ADCK1: variants seen among roughly 807,000 people sequenced by gnomAD.
ADCK1 encodes the protein aarF domain containing kinase 1.
A neutral mutation model predicts 52.3 loss-of-function variants in ADCK1; 41 were observed. The observed-to-expected ratio is 0.78, with a 90% CI of 0.61 to 1.02. The LOEUF is 1.02. Among genes scored for constraint, ADCK1 ranks in the 50% least tolerant of loss-of-function variants. The pLI, the probability that ADCK1 is intolerant of heterozygous loss-of-function variation, is 0.00. For synonymous variants in ADCK1, 250 were observed against 274.6 expected, an observed-to-expected ratio of 0.91 and a Z score of 0.89; for missense variants, 658 against 679.5, an observed-to-expected ratio of 0.97 and a Z score of 0.35.
intron 1 of ADCK1, among the ~76,000 whole-genome samples, chr14:77,816,965 G>A (rs528797301): frequency 4.7e-5 from 7 of 150,004 alleles, no homozygotes; most frequent in Non-Finnish European, 1.0e-4. Flanking sequence ...AAATGAGTAG[G>A]GCGTGGTGGC....
chr14:77,891,069 G>T lies in ADCK1; in HGVS notation c.582+3820G>T, dbSNP rs1054946486. Among the ~76,000 whole-genome samples, 17 of 152,184 alleles carry T rather than the reference G, an allele frequency of 1.1e-4. 1 individual carries two copies. Among genetic ancestry groups the T allele is most frequent in the Admixed American group, 6.5e-5 (1 of 15,272 alleles). ...GATGAGTGTGTGGGGCAGAGGAGAG[G>T]GGGAGGGAAAGTGGGCAGCAGAGTG... On this transcript the variant is annotated intron_variant, in intron 5 of 10. Transcript: ENST00000238561.
chr14:77,919,970 G>C (rs1272111315), intron 7 of ADCK1, among the ~76,000 whole-genome samples: 3 of 152,174 alleles, frequency 2.0e-5, no homozygotes, highest in Non-Finnish European at 4.4e-5. Flanking sequence ...GTTCCTTGTA[G>C]ATTCTGGATA....
intron 4 of ADCK1, among the ~76,000 whole-genome samples, chr14:77,867,550 A>C (rs1255515285): frequency 2.0e-5 from 3 of 152,210 alleles, no homozygotes. Context: ...ATAAAATTGC[A>C]ATTTAACTAG....
chr14:77,927,141 T>G (rs780091243), intron 9 of ADCK1, among the ~76,000 whole-genome samples: 2 of 152,208 alleles, frequency 1.3e-5, no homozygotes, highest in Non-Finnish European at 2.9e-5. Flanking sequence ...CCCTGTAAGC[T>G]GCTTTGTGAT....
chr14:77,900,948 C>T (rs973927649), intron 6 of ADCK1, among the ~76,000 whole-genome samples: 5 of 152,006 alleles, frequency 3.3e-5, no homozygotes, highest in Non-Finnish European at 7.4e-5. Context: ...ATGAGAAGTA[C>T]GGCTTCTACA....
chr14:77,914,353 G>C (rs1431035770), intron 7 of ADCK1: 1 of 962,530 alleles, frequency 1.0e-6, no homozygotes, highest in African/African-American at 1.8e-5. Flanking sequence ...AGAGTCCGTG[G>C]CCTGGGTTCC....
intron 3 of ADCK1, among the ~76,000 whole-genome samples, chr14:77,850,144 C>T (rs1348047510): frequency 6.6e-6 from 1 of 152,214 alleles, no homozygotes; most frequent in Non-Finnish European, 1.5e-5. Context: ...GAGTTCAAGG[C>T]TGCAGTAAAC....
chr14:77,925,835 A>G lies in ADCK1; in HGVS notation c.1080A>G (p.Arg360=), dbSNP rs1188999323. ...WQSLIWTDMK[R]VKEYSQRLGA... ...CTCTGATCTGGACTGACATGAAGAG[A>G]GTGAAGGAGTACAGCCAGCGACTGG... The change falls in exon 9 of 11, where the codon AGA becomes AGG. Residue 360 remains arginine, a synonymous_variant. Transcript: ENST00000238561. 2.5e-6 allele frequency: 4 copies of G among 1,614,156 alleles called. No homozygotes were observed. The East Asian group carries it at 8.9e-5, about 36-fold the overall frequency.
intron 9 of ADCK1, among the ~76,000 whole-genome samples, chr14:77,930,376 C>G (rs1254800161): frequency 6.6e-6 from 1 of 152,174 alleles, no homozygotes; most frequent in African/African-American, 2.4e-5. Context: ...CACCCCGGGT[C>G]TCCTCATTAT....
At chr14:77,817,217 G>A (rs2081474978) in intron 1 of ADCK1, among the ~76,000 whole-genome samples, 1 of 152,188 alleles carries the variant, frequency 6.6e-6, no homozygotes, top group Admixed American at 6.5e-5. Flanking sequence ...ACTCCCGCCT[G>A]GGCGACAGAG....
chr14:77,893,737 CTTTT>C (rs1555356623), intron 5 of ADCK1, among the ~76,000 whole-genome samples: 1 of 50,352 alleles, frequency 2.0e-5, no homozygotes, highest in Admixed American at 2.3e-4. Flanking sequence ...TCCTTCCTTC[CTTTT>C]TTTTTTTTTT....
chr14:77,913,923 G>A (rs1267152370), intron 7 of ADCK1, among the ~76,000 whole-genome samples: 2 of 109,100 alleles, frequency 1.8e-5, no homozygotes. Context: ...CCTGTCCTTG[G>A]GGTGGTGCTG....
chr14:77,844,873 T>C (rs1210929138), intron 3 of ADCK1, among the ~76,000 whole-genome samples: 1 of 152,200 alleles, frequency 6.6e-6, no homozygotes, highest in Non-Finnish European at 1.5e-5. Flanking sequence ...TTAGTAGTGG[T>C]TGTCTGAGTG....
At chr14:77,879,828 C>T (rs910154929) in intron 4 of ADCK1, among the ~76,000 whole-genome samples, 1 of 152,134 alleles carries the variant, frequency 6.6e-6, no homozygotes, top group Non-Finnish European at 1.5e-5. Context: ...GCCCAGCACT[C>T]TTCACTGTAG....
At chr14:77,915,327 TCCCCCCTC>T (rs1403573864) in intron 7 of ADCK1, among the ~76,000 whole-genome samples, 2 of 117,098 alleles carry the variant, frequency 1.7e-5, no homozygotes, top group African/African-American at 6.5e-5. Flanking sequence ...ATGCTATCCC[TCCCCCCTC>T]CCCCCTACCC....
intron 5 of ADCK1, among the ~76,000 whole-genome samples, chr14:77,888,924 T>C (rs1194164370): frequency 6.6e-6 from 1 of 152,168 alleles, no homozygotes; most frequent in Non-Finnish European, 1.5e-5. Context: ...CATCTTGAAT[T>C]GTAGCCCCCA....
At chr14:77,887,284 A>T (rs1039657108) in intron 5 of ADCK1, 35 bp downstream of exon 5, 1 of 1,513,602 alleles carries the variant, frequency 6.6e-7, no homozygotes, top group Non-Finnish European at 8.9e-7. Flanking sequence ...CTGTGTCCTC[A>T]GTCTACATTT....
intron 4 of ADCK1, among the ~76,000 whole-genome samples, chr14:77,875,974 G>A (rs2082890581): frequency 1.3e-5 from 2 of 152,012 alleles, no homozygotes; most frequent in African/African-American, 4.8e-5. Context: ...GCAAAATATT[G>A]CAAAAGACTA....
At chr14:77,852,687 A>T (rs1158657040) in intron 3 of ADCK1, among the ~76,000 whole-genome samples, 2 of 97,706 alleles carry the variant, frequency 2.0e-5, no homozygotes, top group African/African-American at 9.7e-5. Context: ...ATATATATAT[A>T]TATATATATA....
Sources: allele counts gnomAD v4.1 joint callset (sites outside exome capture counted in the v4.1 genomes callset), GRCh38; gene constraint gnomAD v4.1.1; transcripts MANE v1.5; gene names NCBI Gene and HGNC (gene_info 2026-07-23, HGNC 2026-07-21).